Variants in ZNF277 observed in about 807,000 individuals in gnomAD.
The protein encoded by ZNF277 is zinc finger protein 277.
A neutral mutation model predicts 60.7 loss-of-function variants in ZNF277; 55 were observed. That is an observed-to-expected ratio of 0.91 (90% CI 0.73 to 1.13). The LOEUF (loss-of-function observed/expected upper bound fraction) is 1.13, where lower values mean the gene tolerates loss of function less well. Among genes scored for constraint, ZNF277 ranks in the 50% most tolerant of loss-of-function variants. The pLI, the probability that ZNF277 is intolerant of heterozygous loss-of-function variation, is 0.00. For missense variants in ZNF277, 510 were observed against 523.0 expected (o/e 0.98, Z 0.24); for synonymous variants, 178 against 179.3 (o/e 0.99, Z 0.06).
chr7:112,271,730 T>C (rs1416301081), intron 1 of ZNF277, among the ~76,000 whole-genome samples: 1 of 152,210 alleles, frequency 6.6e-6, no homozygotes, highest in Non-Finnish European at 1.5e-5. Context: ...AGATATGGGC[T>C]ATCTTAAAAT....
intron 5 of ZNF277, among the ~76,000 whole-genome samples, chr7:112,322,703 T>G (rs766052005): frequency 9.2e-5 from 14 of 152,144 alleles, no homozygotes; most frequent in Non-Finnish European, 1.8e-4. Flanking sequence ...GTCTGGTGTG[T>G]CAACATCTGG....
Position 112,336,091 on chromosome 7 carries a change from T to C in ZNF277, c.802-13T>C. On this transcript the variant is annotated splice_polypyrimidine_tract_variant and intron_variant, in intron 7 of 11. Transcript: ENST00000361822. ...CCCCCAATGTCTCTCATCCCTCTGT[T>C]CTTCCTACAAAGGAACTTGGAAAAT... 6.2e-7 allele frequency: 1 copy of C among 1,610,246 alleles called. No homozygotes were observed. Among genetic ancestry groups the C allele is most frequent in the Non-Finnish European group, 8.5e-7 (1 of 1,177,648 alleles).
At chr7:112,332,890 A>G (rs1171086549) in intron 7 of ZNF277, among the ~76,000 whole-genome samples, 2 of 152,206 alleles carry the variant, frequency 1.3e-5, no homozygotes, top group African/African-American at 2.4e-5. Flanking sequence ...TATCAGGCTT[A>G]GTAACATTCT....
At position 112,286,857 on chromosome 7, in the gene ZNF277, T is replaced by TG; in HGVS notation, c.92-16_92-15insG. On this transcript the variant is annotated splice_polypyrimidine_tract_variant and intron_variant, in intron 1 of 11. Coordinates refer to ENST00000361822, the MANE Select transcript of ZNF277 (RefSeq NM_021994.3). ...TCTTTCTTTCTTTTTTTTTTTTTTT[T>TG]TTTGGTCTATTCCAGACAGTAAGGA... The TG allele has an allele frequency of 2.7e-6, 4 of 1,465,044 alleles. No individual in the cohort carries two copies. The highest frequency in any genetic ancestry group is 2.6e-5 in the Admixed American group (1 of 38,864). The allele number at this position is 1,465,044 out of a possible 1,614,324, so 90.8% of individuals were successfully genotyped here.
chr7:112,313,134 C>T (rs142761640), intron 4 of ZNF277, among the ~76,000 whole-genome samples: 14 of 152,082 alleles, frequency 9.2e-5, no homozygotes, highest in Admixed American at 7.2e-4. Flanking sequence ...TAATTGTGTT[C>T]TATACCAATG....
At chr7:112,287,220 T>G (rs975482208) in intron 2 of ZNF277, 146 bp downstream of exon 2, 1 of 751,644 alleles carries the variant, frequency 1.3e-6, no homozygotes, top group Non-Finnish European at 2.2e-6. Context: ...AAACAAAATT[T>G]AAAAATTATC....
intron 4 of ZNF277, among the ~76,000 whole-genome samples, chr7:112,302,601 T>A (rs141309416): frequency 6.6e-6 from 1 of 152,136 alleles, no homozygotes; most frequent in Non-Finnish European, 1.5e-5. Flanking sequence ...AACCTTCAGA[T>A]TGATGACTGC....
intron 4 of ZNF277, among the ~76,000 whole-genome samples, chr7:112,317,581 G>A (rs989812618): frequency 8.6e-5 from 13 of 152,012 alleles, no homozygotes; most frequent in African/African-American, 2.9e-4. Context: ...TATTATCAGA[G>A]CATATTTTAA....
intron 1 of ZNF277, among the ~76,000 whole-genome samples, chr7:112,248,629 A>T (rs1158184556): frequency 3.9e-5 from 6 of 152,058 alleles, no homozygotes; most frequent in African/African-American, 1.4e-4. Flanking sequence ...TTTAGTATCT[A>T]TTCTTCCACA....
rs146229845 is a variant in ZNF277, at chr7:112,224,428, C to T, written c.91+17621C>T. Reference sequence around the variant, plus strand: ...GGATAAGCTTGTGAGGAAACAACACCTCAGTATAGAACTGGGCTCAATTCC... The same window carrying T: ...GGATAAGCTTGTGAGGAAACAACACTTCAGTATAGAACTGGGCTCAATTCC... On this transcript the variant is annotated intron_variant, in intron 1 of 11. Coordinates refer to ENST00000361822, the MANE Select transcript of ZNF277 (RefSeq NM_021994.3). Among the ~76,000 whole-genome samples, 57 of 152,342 alleles carry T rather than the reference C, an allele frequency of 3.7e-4. No homozygotes were observed. In the East Asian group the frequency reaches 0.011, roughly 29 times the overall value.
intron 1 of ZNF277, among the ~76,000 whole-genome samples, chr7:112,220,661 T>C (rs897182230): frequency 3.3e-5 from 5 of 152,218 alleles, no homozygotes; most frequent in Non-Finnish European, 7.3e-5. Context: ...GAGACAGGAC[T>C]AGCTGGATTT....
intron 1 of ZNF277, among the ~76,000 whole-genome samples, chr7:112,246,427 T>A (rs1202704937): frequency 1.3e-5 from 2 of 151,816 alleles, no homozygotes; most frequent in African/African-American, 4.8e-5. Flanking sequence ...CCAACCAAGG[T>A]AAGTATATGG....
intron 1 of ZNF277, among the ~76,000 whole-genome samples, chr7:112,282,330 A>G (rs1791965673): frequency 6.6e-6 from 1 of 152,264 alleles, no homozygotes; most frequent in African/African-American, 2.4e-5. Context: ...CACATAAGAC[A>G]CCAGTCTGTG....
At chr7:112,276,893 GA>G (rs1200559836) in intron 1 of ZNF277, among the ~76,000 whole-genome samples, 1 of 152,082 alleles carries the variant, frequency 6.6e-6, no homozygotes, top group African/African-American at 2.4e-5. Flanking sequence ...ACTGCAAAAT[GA>G]GAATAACCAG....
intron 2 of ZNF277, among the ~76,000 whole-genome samples, chr7:112,294,300 G>T (rs1384728572): frequency 6.6e-6 from 1 of 152,140 alleles, no homozygotes; most frequent in Non-Finnish European, 1.5e-5. Flanking sequence ...GGCCCAGGAT[G>T]GCTAAGGAAA....
At chr7:112,277,203 C>T (rs764769943) in intron 1 of ZNF277, among the ~76,000 whole-genome samples, 2 of 151,498 alleles carry the variant, frequency 1.3e-5, no homozygotes, top group Non-Finnish European at 2.9e-5. Context: ...CCTGCCTCAG[C>T]CCCCTGAGTA....
chr7:112,296,908 A>ATTTATTTATTTT (rs1792356183), intron 4 of ZNF277, among the ~76,000 whole-genome samples: 5 of 37,174 alleles, frequency 1.3e-4, no homozygotes, highest in South Asian at 9.2e-4. Flanking sequence ...TTATTTATTT[A>ATTTATTTATTTT]TTTATTTTTT....
chr7:112,273,330 G>A (rs947844668), intron 1 of ZNF277, among the ~76,000 whole-genome samples: 1 of 152,074 alleles, frequency 6.6e-6, no homozygotes, highest in Non-Finnish European at 1.5e-5. Flanking sequence ...GCTGTGACAG[G>A]GCAACACTGA....
chr7:112,255,812 T>C (rs1419919070), intron 1 of ZNF277, among the ~76,000 whole-genome samples: 4 of 152,238 alleles, frequency 2.6e-5, no homozygotes, highest in African/African-American at 9.6e-5. Context: ...ATGCAGTCTC[T>C]GCCTTCCTTC....
Sources: allele counts gnomAD v4.1 joint callset (sites outside exome capture counted in the v4.1 genomes callset), GRCh38; gene constraint gnomAD v4.1.1; transcripts MANE v1.5; gene names NCBI Gene and HGNC (gene_info 2026-07-23, HGNC 2026-07-21).